The following CACNA2D3 variants were observed in gnomAD, a reference collection of about 807,000 sequenced individuals.
The protein encoded by CACNA2D3 is calcium voltage-gated channel auxiliary subunit alpha2delta 3.
Under a neutral mutation model 160.6 loss-of-function variants are expected in CACNA2D3, and 60 were observed. That is an observed-to-expected ratio of 0.37 (90% CI 0.30 to 0.46). The LOEUF is 0.46. CACNA2D3 is among the 20% of genes least tolerant of loss of function. The probability of loss-of-function intolerance (pLI) is 1.00; values close to 1 mark genes in which losing one functional copy is unlikely to be tolerated. For missense variants in CACNA2D3, 1,205 were observed against 1,365.0 expected (o/e 0.88, Z 1.85); for synonymous variants, 558 against 492.9 (o/e 1.13, Z -1.75).
chr3:54,356,763 A>C (rs1053485193), intron 3 of CACNA2D3, among the ~76,000 whole-genome samples: 1 of 152,208 alleles, frequency 6.6e-6, no homozygotes, highest in Non-Finnish European at 1.5e-5. Context: ...AGTCTGTTAC[A>C]GTGGTATTAA....
chr3:54,544,389 A>G (rs557389142), intron 5 of CACNA2D3, among the ~76,000 whole-genome samples: 43 of 148,322 alleles, frequency 2.9e-4, no homozygotes, highest in Non-Finnish European at 4.6e-4. Flanking sequence ...ACAGTGACCA[A>G]ACTAGCCTTT....
intron 35 of CACNA2D3, among the ~76,000 whole-genome samples, chr3:55,042,618 A>G (rs1703980973): frequency 1.3e-5 from 2 of 152,010 alleles, no homozygotes; most frequent in Non-Finnish European, 2.9e-5. Context: ...ATTTTACTGT[A>G]TTTTTATTTA....
chr3:54,205,768 C>T (rs1701265433), intron 2 of CACNA2D3, among the ~76,000 whole-genome samples: 1 of 152,090 alleles, frequency 6.6e-6, no homozygotes, highest in Non-Finnish European at 1.5e-5. Context: ...GGGAGGAAGG[C>T]ACAGAAAGGG....
chr3:54,259,989 T>A (rs1702374010), intron 2 of CACNA2D3, among the ~76,000 whole-genome samples: 1 of 152,218 alleles, frequency 6.6e-6, no homozygotes, highest in Non-Finnish European at 1.5e-5. Context: ...CTCCTTCTCC[T>A]TGGGAATTCA....
chr3:54,165,196 G>A (rs1459789670), intron 2 of CACNA2D3, among the ~76,000 whole-genome samples: 1 of 149,418 alleles, frequency 6.7e-6, no homozygotes, highest in Non-Finnish European at 1.5e-5. Context: ...GGTGTGTGGG[G>A]GGACAGTTCT....
At chr3:54,786,929 G>A (rs1702653375) in intron 13 of CACNA2D3, among the ~76,000 whole-genome samples, 1 of 152,158 alleles carries the variant, frequency 6.6e-6, no homozygotes, top group Admixed American at 6.5e-5. Flanking sequence ...ACTTCAACTT[G>A]CTATCACTTT....
chr3:54,965,284 C>T (rs1406068505), intron 27 of CACNA2D3, among the ~76,000 whole-genome samples: 1 of 152,196 alleles, frequency 6.6e-6, no homozygotes, highest in Non-Finnish European at 1.5e-5. Context: ...GACCTTTTGC[C>T]ATTTGACCTC....
intron 2 of CACNA2D3, among the ~76,000 whole-genome samples, chr3:54,260,160 G>C (rs1419011541): frequency 6.6e-6 from 1 of 152,014 alleles, no homozygotes; most frequent in African/African-American, 2.4e-5. Flanking sequence ...ATTGTGCAGA[G>C]ATGTCACACT....
chr3:54,766,159 G>C (rs1037868590), intron 13 of CACNA2D3, among the ~76,000 whole-genome samples: 1 of 152,034 alleles, frequency 6.6e-6, no homozygotes, highest in African/African-American at 2.4e-5. Context: ...ACTTTTGTAA[G>C]CCAAAAACAC....
chr3:54,326,869 G>A (rs2107513782), intron 3 of CACNA2D3, among the ~76,000 whole-genome samples: 1 of 152,224 alleles, frequency 6.6e-6, no homozygotes, highest in African/African-American at 2.4e-5. Flanking sequence ...AAAAAATAAT[G>A]TTTTCTGTTT....
intron 11 of CACNA2D3, among the ~76,000 whole-genome samples, chr3:54,687,046 G>T (rs1024186835): frequency 1.3e-4 from 19 of 151,510 alleles, no homozygotes; most frequent in Admixed American, 1.2e-3. Context: ...GGTCTCTATA[G>T]GTGGCATACC....
At chr3:54,740,804 C>A (rs897219152) in intron 11 of CACNA2D3, among the ~76,000 whole-genome samples, 3 of 152,156 alleles carry the variant, frequency 2.0e-5, no homozygotes, top group Non-Finnish European at 4.4e-5. Flanking sequence ...ATAGAAATGA[C>A]AAGAACTTGG....
intron 2 of CACNA2D3, among the ~76,000 whole-genome samples, chr3:54,145,156 C>T (rs894592813): frequency 6.6e-6 from 1 of 152,134 alleles, no homozygotes; most frequent in African/African-American, 2.4e-5. Context: ...GTTTAAGCTC[C>T]CAAATGCAGT....
At chr3:54,536,504 T>C (rs1454715202) in intron 5 of CACNA2D3, among the ~76,000 whole-genome samples, 1 of 152,204 alleles carries the variant, frequency 6.6e-6, no homozygotes, top group Non-Finnish European at 1.5e-5. Context: ...TGATGGGAAC[T>C]CCTCCAGAAA....
chr3:54,270,600 A>C (rs1023292433), intron 2 of CACNA2D3, among the ~76,000 whole-genome samples: 3 of 152,204 alleles, frequency 2.0e-5, no homozygotes, highest in Non-Finnish European at 2.9e-5. Flanking sequence ...ACAGTTCCAT[A>C]GGTTGGAAGC....
intron 31 of CACNA2D3, among the ~76,000 whole-genome samples, chr3:54,995,094 C>G (rs1480479251): frequency 6.6e-6 from 1 of 152,130 alleles, no homozygotes; most frequent in African/African-American, 2.4e-5. Context: ...CTGCCTCTAC[C>G]TCCTGAGTAG....
chr3:54,802,599 T>G (rs754627051), intron 13 of CACNA2D3, among the ~76,000 whole-genome samples: 1 of 152,200 alleles, frequency 6.6e-6, no homozygotes, highest in Non-Finnish European at 1.5e-5. Context: ...GCTGCAAGTT[T>G]CTATGAAAAT....
chr3:54,840,718 GA>G (rs1479732563), intron 16 of CACNA2D3, among the ~76,000 whole-genome samples: 4 of 103,320 alleles, frequency 3.9e-5, no homozygotes, highest in Admixed American at 9.8e-5. Flanking sequence ...CAAGAGCCAT[GA>G]TTTTTTTTTT....
intron 9 of CACNA2D3, among the ~76,000 whole-genome samples, chr3:54,589,636 A>G (rs554237060): frequency 1.3e-5 from 2 of 152,308 alleles, no homozygotes; most frequent in South Asian, 2.1e-4. Flanking sequence ...TTGAGAGAAG[A>G]TATTTGCAAA....
Sources: allele counts gnomAD v4.1 joint callset (sites outside exome capture counted in the v4.1 genomes callset), GRCh38; gene constraint gnomAD v4.1.1; transcripts MANE v1.5; gene names NCBI Gene and HGNC (gene_info 2026-07-23, HGNC 2026-07-21).